The following SATL1 variants were observed in gnomAD, a reference collection of about 807,000 sequenced individuals.
SATL1 encodes spermidine/spermine N1-acetyl transferase like 1, also known as spermidine/spermine N(1)-acetyltransferase-like protein 1.
Under a neutral mutation model 51.8 loss-of-function variants are expected in SATL1, and 47 were observed. The observed-to-expected ratio is 0.91, with a 90% CI of 0.72 to 1.16. SATL1 has a LOEUF of 1.16. Among genes scored for constraint, SATL1 ranks in the 50% most tolerant of loss-of-function variants. The probability of loss-of-function intolerance (pLI) is 0.00; values close to 1 mark genes in which losing one functional copy is unlikely to be tolerated. For synonymous variants in SATL1, 176 were observed against 182.4 expected (o/e 0.97, Z 0.28); for missense variants, 520 against 526.4 (o/e 0.99, Z 0.12).
intron 2 of SATL1, among the ~76,000 whole-genome samples, chrX:85,155,847 A>C (rs1026415862): frequency 4.5e-5 from 5 of 111,620 alleles, no homozygotes; most frequent in African/African-American, 1.6e-4. Flanking sequence ...AGTTAAAATT[A>C]CCTACCTTGC....
At chrX:85,166,411 A>T (rs1005165629) in intron 2 of SATL1, among the ~76,000 whole-genome samples, 1 of 111,844 alleles carries the variant, frequency 8.9e-6, no homozygotes. Flanking sequence ...TCTACAAGGA[A>T]CTCAAACAAA....
At chrX:85,197,623 A>T (rs1288989929) in intron 2 of SATL1, among the ~76,000 whole-genome samples, 1 of 107,759 alleles carries the variant, frequency 9.3e-6, no homozygotes, top group African/African-American at 3.4e-5. Context: ...CATTAGGTAC[A>T]TCTCCTAATG....
intron 2 of SATL1, among the ~76,000 whole-genome samples, chrX:85,147,527 G>C (rs1332515232): frequency 1.7e-4 from 19 of 109,832 alleles, no homozygotes; most frequent in African/African-American, 2.0e-4. Context: ...CCTCAAGTGG[G>C]TCCCTGACCC....
chrX:85,189,978 C>G lies in SATL1; in HGVS notation c.-313+34227G>C, dbSNP rs746069908. Among the ~76,000 whole-genome samples, 7 of 112,031 alleles carry G rather than the reference C, an allele frequency of 6.2e-5. No homozygotes were observed. In the South Asian group the frequency reaches 2.2e-3, roughly 35 times the overall value. ...TTAAAAGTTTGAGCATTAATTCATG[C>G]TTAAACATATTCTTTTATAATGTAC... On this transcript the variant is annotated intron_variant, in intron 2 of 7. Transcript: ENST00000644105.
intron 2 of SATL1, among the ~76,000 whole-genome samples, chrX:85,145,457 A>AT (rs1006214577): frequency 2.7e-5 from 3 of 111,849 alleles, no homozygotes; most frequent in Non-Finnish European, 5.6e-5. Flanking sequence ...ATAATAGGCC[A>AT]TTTTTTTGTG....
intron 2 of SATL1, among the ~76,000 whole-genome samples, chrX:85,122,208 T>C (rs187709700): frequency 7.3e-4 from 81 of 111,425 alleles, no homozygotes; most frequent in Non-Finnish European, 1.2e-3. Context: ...AATTTAGATG[T>C]AACTTTTTGC....
At chrX:85,243,306 C>T (rs1027373554) in intron 1 of SATL1, among the ~76,000 whole-genome samples, 4 of 112,354 alleles carry the variant, frequency 3.6e-5, no homozygotes, top group Admixed American at 2.8e-4. Context: ...TAGTCCCCAC[C>T]TACCTTTCAT....
At chrX:85,160,931 G>C (rs1191671857) in intron 2 of SATL1, among the ~76,000 whole-genome samples, 3 of 111,305 alleles carry the variant, frequency 2.7e-5, no homozygotes, top group Non-Finnish European at 3.8e-5. Flanking sequence ...GGAGAGAAAG[G>C]TCAGGCCACG....
chrX:85,226,962 A>G (rs937087410), intron 1 of SATL1, among the ~76,000 whole-genome samples: 6 of 111,285 alleles, frequency 5.4e-5, no homozygotes, highest in Non-Finnish European at 1.1e-4. Flanking sequence ...TGCAGATTCC[A>G]TAATCACTCC....
At chrX:85,221,825 G>T (rs1367715677) in intron 2 of SATL1, among the ~76,000 whole-genome samples, 1 of 112,140 alleles carries the variant, frequency 8.9e-6, no homozygotes, top group Non-Finnish European at 1.9e-5. Flanking sequence ...ATCATGTAGG[G>T]CCAGACCCTG....
At chrX:85,128,308 G>A (rs1925683522) in intron 2 of SATL1, among the ~76,000 whole-genome samples, 1 of 111,774 alleles carries the variant, frequency 8.9e-6, no homozygotes, top group Non-Finnish European at 1.9e-5. Context: ...TCCAGCACCT[G>A]TTGTTTCCTG....
intron 4 of SATL1, among the ~76,000 whole-genome samples, chrX:85,099,825 G>A (rs1315187833): frequency 8.9e-6 from 1 of 112,422 alleles, no homozygotes; most frequent in African/African-American, 3.2e-5. Context: ...AGATTAGGAA[G>A]AAGACAAAGA....
At chrX:85,197,187 G>A (rs980287832) in intron 2 of SATL1, among the ~76,000 whole-genome samples, 3 of 111,438 alleles carry the variant, frequency 2.7e-5, no homozygotes, top group African/African-American at 9.8e-5. Context: ...CAAAGTATAC[G>A]AATAGACATT....
chrX:85,092,851 A>C, intron 7 of SATL1: 1 of 325,320 alleles, frequency 3.1e-6, no homozygotes, highest in East Asian at 4.6e-5. Context: ...AAATACAAGA[A>C]GATCTTGCTT....
At chrX:85,184,777 A>C (rs1294375699) in intron 2 of SATL1, among the ~76,000 whole-genome samples, 1 of 111,841 alleles carries the variant, frequency 8.9e-6, no homozygotes, top group East Asian at 2.8e-4. Flanking sequence ...GGATATTTTG[A>C]ATTCTCTGTC....
At chrX:85,197,470 C>CTTTATTTATTTATTTATTTA (rs767059111) in intron 2 of SATL1, among the ~76,000 whole-genome samples, 11 of 108,053 alleles carry the variant, frequency 1.0e-4, no homozygotes, top group African/African-American at 3.7e-4. Context: ...AATACTAGAT[C>CTTTATTTATTTATTTATTTA]TTTATTTATT....
At chrX:85,129,857 G>GC (rs773947471) in intron 2 of SATL1, among the ~76,000 whole-genome samples, 3 of 111,385 alleles carry the variant, frequency 2.7e-5, no homozygotes, top group Admixed American at 9.6e-5. Context: ...TTAGCATGAA[G>GC]GTCTGTTGAA....
chrX:85,193,311 C>T (rs942763881), intron 2 of SATL1, among the ~76,000 whole-genome samples: 1 of 111,444 alleles, frequency 9.0e-6, no homozygotes, highest in Non-Finnish European at 1.9e-5. Flanking sequence ...TTCATACATG[C>T]CTAACCCAGG....
chrX:85,148,560 A>G (rs766981432), intron 2 of SATL1, among the ~76,000 whole-genome samples: 272 of 111,366 alleles, frequency 2.4e-3, no homozygotes, highest in African/African-American at 8.0e-3. Context: ...AAGGGCAGCC[A>G]GAGAGAAAGG....
Sources: gnomAD v4.1 joint callset for allele counts (sites outside exome capture counted in the v4.1 genomes callset) on GRCh38, gnomAD v4.1.1 for gene constraint, MANE v1.5 for transcripts, NCBI Gene and HGNC (gene_info 2026-07-23, HGNC 2026-07-21) for gene names.